The following LHFPL4 variants were observed in gnomAD, a reference collection of about 807,000 sequenced individuals.
LHFPL4 encodes the protein LHFPL tetraspan subfamily member 4 protein.
In LHFPL4, 6 loss-of-function variants were observed where a neutral mutation model predicts 20.0. That is an observed-to-expected ratio of 0.30 (90% CI 0.16 to 0.59). The LOEUF (loss-of-function observed/expected upper bound fraction) is 0.59. Among genes scored for constraint, LHFPL4 ranks in the 20% least tolerant of loss-of-function variants. The pLI is 0.88. For synonymous variants in LHFPL4, 129 were observed against 143.8 expected (o/e 0.90, Z 0.74); for missense variants, 215 against 331.2 (o/e 0.65, Z 2.72).
intron 2 of LHFPL4, among the ~76,000 whole-genome samples, chr3:9,540,464 G>A (rs967026080): frequency 1.3e-5 from 2 of 152,234 alleles, no homozygotes; most frequent in Non-Finnish European, 2.9e-5. Context: ...ATAGAGTGTG[G>A]CAGAAGTGAT....
intron 2 of LHFPL4, among the ~76,000 whole-genome samples, chr3:9,513,352 TG>T (rs2046274967): frequency 1.3e-5 from 2 of 151,962 alleles, no homozygotes; most frequent in Admixed American, 1.3e-4. Context: ...CTCTGTCACT[TG>T]TTTTGTCTTG....
intron 2 of LHFPL4, among the ~76,000 whole-genome samples, chr3:9,531,316 C>T (rs531113955): frequency 4.6e-4 from 70 of 152,254 alleles, no homozygotes; most frequent in Admixed American, 7.8e-4. Context: ...GTGCCACAAA[C>T]CTTCAATATA....
At chr3:9,544,896 C>T (rs1244141057) in intron 2 of LHFPL4, among the ~76,000 whole-genome samples, 3 of 152,102 alleles carry the variant, frequency 2.0e-5, no homozygotes, top group Non-Finnish European at 2.9e-5. Context: ...GTTGGAAGTC[C>T]CCTCCCTGCC....
At chr3:9,504,381 GAAAAAAA>G (rs59021970) in intron 3 of LHFPL4, among the ~76,000 whole-genome samples, 2 of 139,068 alleles carry the variant, frequency 1.4e-5, no homozygotes, top group African/African-American at 5.2e-5. Flanking sequence ...CTGTCTCAAG[GAAAAAAA>G]AAAAAAAGGA....
intron 2 of LHFPL4, among the ~76,000 whole-genome samples, chr3:9,548,132 T>C (rs569071458): frequency 6.6e-6 from 1 of 152,106 alleles, no homozygotes; most frequent in East Asian, 1.9e-4. Flanking sequence ...GTCAGACATA[T>C]GGAGTTACAA....
intron 2 of LHFPL4, among the ~76,000 whole-genome samples, chr3:9,534,907 G>A (rs972225044): frequency 7.2e-5 from 11 of 152,248 alleles, no homozygotes; most frequent in Admixed American, 5.2e-4. Context: ...ATTTAACTGT[G>A]AGGATGTTCA....
intron 2 of LHFPL4, among the ~76,000 whole-genome samples, chr3:9,543,726 T>G (rs2648398): frequency 0.2 from 20,897 of 106,162 alleles, 2,533 homozygotes; most frequent in East Asian, 0.44. Flanking sequence ...GTTTTTGGTT[T>G]TGGTTTTTTT....
intron 3 of LHFPL4, among the ~76,000 whole-genome samples, chr3:9,505,624 C>T (rs968224662): frequency 1.3e-5 from 2 of 152,168 alleles, no homozygotes; most frequent in Admixed American, 1.3e-4. Flanking sequence ...CAGGGTTTCA[C>T]CGTGTTAGCC....
chr3:9,527,809 A>AACACACACACACACACAC (rs58489008), intron 2 of LHFPL4, among the ~76,000 whole-genome samples: 1 of 143,182 alleles, frequency 7.0e-6, no homozygotes, highest in African/African-American at 2.6e-5. Context: ...TTCAAATACA[A>AACACACACACACACACAC]ACACACACAC....
At chr3:9,525,438 C>T (rs1300965974) in intron 2 of LHFPL4, among the ~76,000 whole-genome samples, 1 of 152,186 alleles carries the variant, frequency 6.6e-6, no homozygotes, top group Non-Finnish European at 1.5e-5. Flanking sequence ...ACCTGTCTGT[C>T]GCTCCAATTT....
chr3:9,541,283 T>TAGACATATAGACCAATTGAGA (rs2046474615), intron 2 of LHFPL4, among the ~76,000 whole-genome samples: 1 of 152,156 alleles, frequency 6.6e-6, no homozygotes, highest in Non-Finnish European at 1.5e-5. Flanking sequence ...GGCATAAGGA[T>TAGACATATAGACCAATTGAGA]AGACATATAG....
intron 2 of LHFPL4, among the ~76,000 whole-genome samples, chr3:9,512,132 A>G (rs1289550212): frequency 3.3e-5 from 5 of 152,080 alleles, no homozygotes; most frequent in Non-Finnish European, 7.4e-5. Flanking sequence ...CGGGGTTTCA[A>G]GTGTTAGCCA....
At chr3:9,546,002 G>C (rs1301206654) in intron 2 of LHFPL4, among the ~76,000 whole-genome samples, 1 of 152,108 alleles carries the variant, frequency 6.6e-6, no homozygotes, top group Non-Finnish European at 1.5e-5. Context: ...TCCTAGCCCA[G>C]AGACCCTGAT....
intron 2 of LHFPL4, among the ~76,000 whole-genome samples, chr3:9,526,754 G>C (rs1405120435): frequency 6.6e-6 from 1 of 151,938 alleles, no homozygotes; most frequent in Non-Finnish European, 1.5e-5. Context: ...ACACACACAC[G>C]TGAAGACCAG....
intron 2 of LHFPL4, among the ~76,000 whole-genome samples, chr3:9,510,830 C>CAGGA (rs1306456310): frequency 1.3e-5 from 2 of 151,774 alleles, no homozygotes; most frequent in Non-Finnish European, 2.9e-5. Context: ...CCCAGCTACT[C>CAGGA]AGGAGGCTGA....
intron 2 of LHFPL4, among the ~76,000 whole-genome samples, chr3:9,546,079 C>T (rs993572098): frequency 9.9e-5 from 15 of 151,910 alleles, no homozygotes; most frequent in African/African-American, 2.2e-4. Flanking sequence ...TTTGGGAGGC[C>T]GAGGCCAGCG....
chr3:9,538,056 C>G (rs1457013848), intron 2 of LHFPL4, among the ~76,000 whole-genome samples: 1 of 152,148 alleles, frequency 6.6e-6, no homozygotes, highest in East Asian at 1.9e-4. Context: ...CTGTAAGAAA[C>G]TTGGAGTCAT....
At chr3:9,532,284 C>G (rs2046414699) in intron 2 of LHFPL4, among the ~76,000 whole-genome samples, 1 of 152,104 alleles carries the variant, frequency 6.6e-6, no homozygotes, top group African/African-American at 2.4e-5. Flanking sequence ...CCGCCTTGGC[C>G]TCACAAAGTG....
intron 2 of LHFPL4, among the ~76,000 whole-genome samples, chr3:9,540,074 C>G (rs953180019): frequency 6.6e-6 from 1 of 152,192 alleles, no homozygotes; most frequent in African/African-American, 2.4e-5. Context: ...GTATATACCA[C>G]TTAACCAGCA....
Sources: allele counts gnomAD v4.1 joint callset (sites outside exome capture counted in the v4.1 genomes callset), GRCh38; gene constraint gnomAD v4.1.1; transcripts MANE v1.5; gene names NCBI Gene and HGNC (gene_info 2026-07-23, HGNC 2026-07-21).